Variants in NDUFA10 observed in about 807,000 individuals in gnomAD.
The protein encoded by NDUFA10 is NADH dehydrogenase [ubiquinone] 1 alpha subcomplex subunit 10, mitochondrial.
NDUFA10 carries 40 observed loss-of-function variants against 47.8 expected under a neutral mutation model. The ratio of observed to expected loss-of-function variants is 0.84; its 90% confidence interval spans 0.65 to 1.09. The LOEUF (loss-of-function observed/expected upper bound fraction) is 1.09, where lower values mean the gene tolerates loss of function less well. NDUFA10 is among the 50% of genes least tolerant of loss of function. The pLI, the probability that NDUFA10 is intolerant of heterozygous loss-of-function variation, is 0.00. For missense variants in NDUFA10, 413 were observed against 451.1 expected, an observed-to-expected ratio of 0.92 and a Z score of 0.76; for synonymous variants, 183 against 172.2, an observed-to-expected ratio of 1.06 and a Z score of -0.49.
At chr2:239,938,983 G>A (rs1302728430) in intron 4 of NDUFA10, among the ~76,000 whole-genome samples, 6 of 152,148 alleles carry the variant, frequency 3.9e-5, no homozygotes, top group South Asian at 2.1e-4. Context: ...ACGAGGCCCC[G>A]CAATGCTCAG....
At chr2:239,893,426 G>T (rs1180718108) in intron 5 of NDUFA10, among the ~76,000 whole-genome samples, 1 of 152,198 alleles carries the variant, frequency 6.6e-6, no homozygotes. Flanking sequence ...CTGTGTTGCT[G>T]TAACAAAATA....
downstream of NDUFA10, among the ~76,000 whole-genome samples, chr2:239,952,887 G>A (rs763516666): frequency 6.6e-6 from 1 of 152,234 alleles, no homozygotes; most frequent in African/African-American, 2.4e-5. Context: ...GCTGCTCCAC[G>A]CCTTCTCTGA....
chr2:239,998,314 C>T (rs990111290), intron 8 of NDUFA10, among the ~76,000 whole-genome samples: 1 of 152,208 alleles, frequency 6.6e-6, no homozygotes, highest in Non-Finnish European at 1.5e-5. Flanking sequence ...GCTCAGTTCC[C>T]TTGCCCCTCT....
At chr2:239,933,365 C>T (rs1189726326) in intron 4 of NDUFA10, among the ~76,000 whole-genome samples, 1 of 152,140 alleles carries the variant, frequency 6.6e-6, no homozygotes, top group Admixed American at 6.5e-5. Context: ...GGGGACATCC[C>T]AGGCCACAAT....
intron 6 of NDUFA10, among the ~76,000 whole-genome samples, chr2:240,009,469 G>A (rs1697061690): frequency 6.6e-6 from 1 of 152,192 alleles, no homozygotes; most frequent in Non-Finnish European, 1.5e-5. Context: ...TAAGATCTGG[G>A]TCATAAATAT....
intron 9 of NDUFA10, among the ~76,000 whole-genome samples, chr2:239,984,233 CAA>C (rs11290557): frequency 1.3e-4 from 19 of 142,070 alleles, no homozygotes; most frequent in East Asian, 2.0e-4. Flanking sequence ...AATCGGTTTC[CAA>C]AAAAAAAAAA....
At chr2:240,015,349 T>C (rs1697305967) in intron 4 of NDUFA10, among the ~76,000 whole-genome samples, 1 of 152,270 alleles carries the variant, frequency 6.6e-6, no homozygotes, top group Non-Finnish European at 1.5e-5. Context: ...GCAGTATATA[T>C]GTTGCAGGTA....
chr2:239,946,720 C>A (rs1694459637), intron 4 of NDUFA10, among the ~76,000 whole-genome samples: 1 of 152,228 alleles, frequency 6.6e-6, no homozygotes, highest in African/African-American at 2.4e-5. Flanking sequence ...GCACGCCTGA[C>A]ATGGATGTGT....
chr2:239,997,729 C>T (rs553608889), intron 8 of NDUFA10, among the ~76,000 whole-genome samples: 8 of 152,316 alleles, frequency 5.3e-5, no homozygotes, highest in South Asian at 2.1e-4. Context: ...TATGTAGTGT[C>T]GGAGAAGTCA....
At chr2:239,907,963 C>T (rs1415994221) in intron 4 of NDUFA10, among the ~76,000 whole-genome samples, 2 of 152,172 alleles carry the variant, frequency 1.3e-5, no homozygotes, top group African/African-American at 4.8e-5. Context: ...TTTATTGCGG[C>T]ACTATTCACA....
chr2:240,005,407 G>T, intron 7 of NDUFA10, 112 bp from the exon 8 acceptor site: 1 of 843,290 alleles, frequency 1.2e-6, no homozygotes, highest in Non-Finnish European at 2.0e-6. Flanking sequence ...GGAAAGTAGT[G>T]GCACAATCAC....
At chr2:239,975,397 T>C (rs1695479585) in intron 9 of NDUFA10, among the ~76,000 whole-genome samples, 1 of 152,186 alleles carries the variant, frequency 6.6e-6, no homozygotes, top group Non-Finnish European at 1.5e-5. Flanking sequence ...CCCCACACCT[T>C]AGTCTGTGCA....
chr2:239,973,632 A>G (rs764602262), intron 9 of NDUFA10: 8 of 469,714 alleles, frequency 1.7e-5, no homozygotes, highest in Admixed American at 4.7e-5. Flanking sequence ...TCTTAACAGC[A>G]TCTGGCTTCC....
chr2:239,966,911 C>T (rs1695093282), intron 9 of NDUFA10, among the ~76,000 whole-genome samples: 1 of 143,726 alleles, frequency 7.0e-6, no homozygotes, highest in African/African-American at 2.6e-5. Flanking sequence ...GAGGGTGGCA[C>T]ACGGCCAGTG....
chr2:239,935,903 C>T (rs762986275), intron 4 of NDUFA10, among the ~76,000 whole-genome samples: 4 of 152,166 alleles, frequency 2.6e-5, no homozygotes, highest in African/African-American at 4.8e-5. Flanking sequence ...CGGTCTTGAC[C>T]GGGTATGTCT....
chr2:239,924,832 T>C (rs1694042783), intron 4 of NDUFA10, among the ~76,000 whole-genome samples: 1 of 152,120 alleles, frequency 6.6e-6, no homozygotes. Flanking sequence ...ATTTTAAAAT[T>C]CTTAGAACTA....
intron 5 of NDUFA10, chr2:240,013,336 A>G (rs918498745): frequency 6.6e-6 from 1 of 152,262 alleles, no homozygotes; most frequent in Admixed American, 6.5e-5. Flanking sequence ...ACTTGGAAAA[A>G]TTAAGAAGTT....
chr2:239,912,520 G>T (rs13012110), intron 4 of NDUFA10, among the ~76,000 whole-genome samples: 1 of 152,246 alleles, frequency 6.6e-6, no homozygotes, highest in Middle Eastern at 3.4e-3. Context: ...GGTCTTTCCT[G>T]GGCAGAATGC....
At chr2:240,009,912 G>T (rs1257588990) in intron 6 of NDUFA10, among the ~76,000 whole-genome samples, 1 of 152,150 alleles carries the variant, frequency 6.6e-6, no homozygotes, top group African/African-American at 2.4e-5. Context: ...ACCTAATATT[G>T]TTTCTGTTGG....
Sources: gnomAD v4.1 joint callset for allele counts (sites outside exome capture counted in the v4.1 genomes callset) on GRCh38, gnomAD v4.1.1 for gene constraint, MANE v1.5 for transcripts, NCBI Gene and HGNC (gene_info 2026-07-23, HGNC 2026-07-21) for gene names.